Variants in ALG6 observed in about 807,000 individuals in gnomAD.
The protein encoded by ALG6 is ALG6 alpha-1,3-glucosyltransferase, also known as dolichyl pyrophosphate Man9GlcNAc2 alpha-1,3-glucosyltransferase.
ALG6 carries 46 observed loss-of-function variants against 66.6 expected under a neutral mutation model. That is an observed-to-expected ratio of 0.69 (90% CI 0.55 to 0.88). ALG6 has a LOEUF of 0.88. Among genes scored for constraint, ALG6 ranks in the 40% least tolerant of loss-of-function variants. The pLI is 0.00. For missense variants in ALG6, 505 were observed against 586.8 expected (o/e 0.86, Z 1.44); for synonymous variants, 185 against 203.7 (o/e 0.91, Z 0.78).
intron 7 of ALG6, among the ~76,000 whole-genome samples, chr1:63,409,022 C>T (rs1644503689): frequency 6.6e-6 from 1 of 152,192 alleles, no homozygotes; most frequent in Non-Finnish European, 1.5e-5. Flanking sequence ...TCAAGTGATC[C>T]ACCCACCTTG....
chr1:63,372,208 G>A (rs1647951580), intron 2 of ALG6, among the ~76,000 whole-genome samples: 2 of 152,098 alleles, frequency 1.3e-5, no homozygotes, highest in South Asian at 4.1e-4. Flanking sequence ...AGGAGAGAGT[G>A]ACCAGAGAAT....
In ALG6 at chr1:63,405,757, A is replaced by G. The variant is rs77419654; in HGVS notation, c.347-560A>G. On this transcript the variant is annotated intron_variant, in intron 5 of 14. Coordinates refer to ENST00000263440, the MANE Select transcript of ALG6 (RefSeq NM_013339.4). ...AGCTCTTTAGACAGCTATGTTATAC[A>G]TTTGAAGAACTTATGTATTTATTTT... Among the ~76,000 whole-genome samples the G allele has an allele frequency of 2.6e-5, 4 of 152,232 alleles. No homozygotes were observed. The East Asian group carries it at 7.7e-4, about 29-fold the overall frequency.
intron 10 of ALG6, among the ~76,000 whole-genome samples, chr1:63,414,774 T>C (rs2100424092): frequency 6.6e-6 from 1 of 152,288 alleles, no homozygotes; most frequent in South Asian, 2.1e-4. Context: ...GATCACTGTG[T>C]ACTGTGTGTG....
chr1:63,419,407 A>G lies in ALG6; in HGVS notation c.1025A>G (p.Gln342Arg). 6.2e-7 allele frequency: 1 copy of G among 1,609,584 alleles called. No homozygotes were observed. ...CTATCATTCTTTTTATTTTCTTTCC[A>G]AGTACATGAAAAATCCATTCTCTTG... ...CALSFFLFSF[Q>R]VHEKSILLVS... is the part of the protein sequence containing the mutation. The change falls in exon 12 of 15, where the codon CAA (glutamine) becomes CGA (arginine). Residue 342 changes from glutamine to arginine, a missense_variant. Coordinates refer to ENST00000263440, the MANE Select transcript of ALG6 (RefSeq NM_013339.4).
At chr1:63,386,862 T>TA (rs1648519475) in intron 2 of ALG6, among the ~76,000 whole-genome samples, 1 of 152,176 alleles carries the variant, frequency 6.6e-6, no homozygotes, top group Admixed American at 6.5e-5. Context: ...TTCTAGTTCT[T>TA]TAAGATGTAT....
chr1:63,381,098 T>C (rs1421503267), intron 2 of ALG6, among the ~76,000 whole-genome samples: 5 of 152,136 alleles, frequency 3.3e-5, no homozygotes, highest in Non-Finnish European at 5.9e-5. Context: ...GGCAGGTGGA[T>C]TGCTTGAGCC....
At chr1:63,422,238 TATATAA>T (rs1644583824) in intron 12 of ALG6, among the ~76,000 whole-genome samples, 1 of 73,890 alleles carries the variant, frequency 1.4e-5, no homozygotes, top group Non-Finnish European at 2.4e-5. Flanking sequence ...TATAAATATA[TATATAA>T]ATATATATAT....
chr1:63,415,815 A>C, intron 10 of ALG6, 58 bp from the exon 11 acceptor site: 1 of 1,070,366 alleles, frequency 9.3e-7, no homozygotes, highest in South Asian at 1.5e-5. Flanking sequence ...TTCCTTATTT[A>C]AGCTAGATTT....
Position 63,422,219 on chromosome 1 carries a change from T to C in ALG6, c.1058+2779T>C, listed in dbSNP as rs868446097. On this transcript the variant is annotated intron_variant, in intron 12 of 14. Coordinates refer to ENST00000263440, the MANE Select transcript of ALG6 (RefSeq NM_013339.4). ...TATCTATATGAATATAAATATATAT[T>C]TATATAAATATAAATATATATATAA... Among the ~76,000 whole-genome samples, 760 of 87,656 alleles carry C rather than the reference T, an allele frequency of 8.7e-3. 36 individuals are homozygous for C. The highest frequency in any genetic ancestry group is 0.038 in the African/African-American group (697 of 18,148). The allele number at this position is 87,656 out of a possible 152,430, so 57.5% of individuals were successfully genotyped here.
At chr1:63,430,218 T>C (rs1397116411) in intron 14 of ALG6, among the ~76,000 whole-genome samples, 6 of 152,232 alleles carry the variant, frequency 3.9e-5, no homozygotes, top group African/African-American at 1.4e-4. Context: ...TTATAGCATA[T>C]ATCAGTACTT....
intron 7 of ALG6, 100 bp from the exon 8 acceptor site, chr1:63,411,046 G>A (rs1038519517): frequency 1.3e-5 from 15 of 1,141,954 alleles, no homozygotes; most frequent in Non-Finnish European, 1.9e-5. Flanking sequence ...GATATGCTAT[G>A]AGCTTGCATT....
At chr1:63,413,757 C>T in intron 9 of ALG6, 2 of 207,484 alleles carry the variant, frequency 9.6e-6, no homozygotes, top group Non-Finnish European at 1.9e-5. Flanking sequence ...GAAAAATTTC[C>T]AAAGATGAAG....
At chr1:63,396,825 G>A (rs373774678) in intron 3 of ALG6, among the ~76,000 whole-genome samples, 12 of 152,222 alleles carry the variant, frequency 7.9e-5, no homozygotes, top group African/African-American at 2.4e-4. Flanking sequence ...GAACTAGAAC[G>A]TTGATGATAA....
chr1:63,412,097 G>A (rs376678717), intron 9 of ALG6, 36 bp downstream of exon 9: 7 of 1,613,316 alleles, frequency 4.3e-6, no homozygotes, highest in Non-Finnish European at 5.9e-6. Context: ...TTCTGTTACT[G>A]TACCTTACCT....
At position 63,428,909 on chromosome 1, in the gene ALG6, T is replaced by A. The variant is rs1204018772; in HGVS notation, c.1128-19T>A. On this transcript the variant is annotated intron_variant, in intron 13 of 14. Transcript: ENST00000263440. ...GAATTGATAATTCTCTTGTGATTTTTAAAAATTTTCCTTTACAGTATGCTA... is the reference window on the plus strand; with the variant it reads ...GAATTGATAATTCTCTTGTGATTTTAAAAAATTTTCCTTTACAGTATGCTA... 6.2e-7 allele frequency: 1 copy of A among 1,610,100 alleles called. No homozygotes were observed. The highest frequency in any genetic ancestry group is 8.5e-7 in the Non-Finnish European group (1 of 1,177,236).
chr1:63,434,096 T>C (rs1377052401), intron 14 of ALG6, among the ~76,000 whole-genome samples: 1 of 151,990 alleles, frequency 6.6e-6, no homozygotes. Context: ...GAGGTAACAG[T>C]GTAGTTTCTT....
In ALG6 at chr1:63,391,196, G is replaced by C. The variant is rs564590612; in HGVS notation, c.83-5317G>C. On this transcript the variant is annotated intron_variant, in intron 2 of 14. Coordinates refer to ENST00000263440, the MANE Select transcript of ALG6 (RefSeq NM_013339.4). ...GAGAGGAAAAATACATTTTCCTTCT[G>C]TCCTTCTAGGTTCTCTAATGTGCCC... Among the ~76,000 whole-genome samples the C allele has an allele frequency of 2.6e-5, 4 of 152,270 alleles. No homozygotes were observed. The South Asian group carries it at 8.3e-4, about 32-fold the overall frequency.
chr1:63,399,922 C>T (rs1422094559), intron 3 of ALG6, among the ~76,000 whole-genome samples: 4 of 151,480 alleles, frequency 2.6e-5, no homozygotes, highest in East Asian at 3.9e-4. Context: ...TAAGGCCGGG[C>T]GCAGTGGCTT....
At chr1:63,404,686 AC>A in intron 5 of ALG6, 145 bp downstream of exon 5, 1 of 715,470 alleles carries the variant, frequency 1.4e-6, no homozygotes, top group Non-Finnish European at 2.5e-6. Context: ...ATATTTGTAT[AC>A]ATGATCCAAG....
Sources: allele counts gnomAD v4.1 joint callset (sites outside exome capture counted in the v4.1 genomes callset), GRCh38; gene constraint gnomAD v4.1.1; transcripts MANE v1.5; gene names NCBI Gene and HGNC (gene_info 2026-07-23, HGNC 2026-07-21).